Variants in GNAQ observed in about 807,000 individuals in gnomAD.
The protein encoded by GNAQ is G protein subunit alpha q.
In GNAQ, 8 loss-of-function variants were observed where a neutral mutation model predicts 43.9. The ratio of observed to expected loss-of-function variants is 0.18; its 90% confidence interval spans 0.11 to 0.33. The LOEUF (loss-of-function observed/expected upper bound fraction) is 0.33, where lower values mean the gene tolerates loss of function less well. Among genes scored for constraint, GNAQ ranks in the 10% least tolerant of loss-of-function variants. GNAQ has a pLI of 1.00. For synonymous variants in GNAQ, 155 were observed against 170.7 expected (o/e 0.91, Z 0.71); for missense variants, 158 against 450.8 (o/e 0.35, Z 5.88).
At chr9:77,741,407 C>T (rs1186955922) in intron 5 of GNAQ, among the ~76,000 whole-genome samples, 1 of 152,140 alleles carries the variant, frequency 6.6e-6, no homozygotes, top group East Asian at 1.9e-4. Context: ...GTAAGGTCTC[C>T]CCCGATAAAT....
chr9:78,031,304 G>T lies in GNAQ; in HGVS notation c.-69C>A, dbSNP rs553635419. ...TCACAGCGCGCACACACACCCTCCC[G>T]CCCTCGCTCCCCCGAGGCAGCGGTG... On this transcript the variant is annotated 5_prime_UTR_variant, in exon 1 of 7. Transcript: ENST00000286548. 1.4e-5 allele frequency: 17 copies of T among 1,239,922 alleles called. No homozygotes were observed. In the South Asian group the frequency reaches 3.6e-4, roughly 26 times the overall value. 76.8% of individuals were successfully genotyped at this position (1,239,922 alleles called of 1,614,324 possible). A position where few individuals can be genotyped will look rare whatever the true frequency, so the allele number is the denominator to read the frequency against.
At chr9:77,851,323 A>G (rs1288393008) in intron 2 of GNAQ, among the ~76,000 whole-genome samples, 1 of 152,142 alleles carries the variant, frequency 6.6e-6, no homozygotes. Flanking sequence ...CAGGATGCCT[A>G]TTGTGTAGGA....
chr9:77,993,453 C>G (rs986958256), intron 1 of GNAQ, among the ~76,000 whole-genome samples: 2 of 152,120 alleles, frequency 1.3e-5, no homozygotes, highest in Admixed American at 6.5e-5. Context: ...AATCCCAACA[C>G]TTTGGGAGGC....
intron 5 of GNAQ, among the ~76,000 whole-genome samples, chr9:77,734,914 T>C (rs77136551): frequency 6.6e-6 from 1 of 152,206 alleles, no homozygotes; most frequent in Admixed American, 6.5e-5. Flanking sequence ...CTTTATGATA[T>C]TTTTAACACA....
intron 2 of GNAQ, among the ~76,000 whole-genome samples, chr9:77,919,480 T>A (rs562385719): frequency 3.3e-5 from 5 of 152,028 alleles, no homozygotes; most frequent in Non-Finnish European, 7.4e-5. Flanking sequence ...TGGGAAGCTA[T>A]CAGAGAACTC....
chr9:77,723,200 TGACA>T (rs1362112073), intron 6 of GNAQ, among the ~76,000 whole-genome samples: 2 of 152,320 alleles, frequency 1.3e-5, no homozygotes, highest in South Asian at 2.1e-4. Flanking sequence ...AAAACCACAG[TGACA>T]GACCTCTCCA....
At chr9:77,957,017 G>C (rs935560083) in intron 1 of GNAQ, among the ~76,000 whole-genome samples, 3 of 152,178 alleles carry the variant, frequency 2.0e-5, no homozygotes, top group Non-Finnish European at 4.4e-5. Context: ...CCTCGTTTAA[G>C]AGTACAGCCC....
chr9:77,839,447 T>C (rs1159042072), intron 2 of GNAQ, among the ~76,000 whole-genome samples: 1 of 152,228 alleles, frequency 6.6e-6, no homozygotes, highest in African/African-American at 2.4e-5. Context: ...CTAAGTATAC[T>C]GGGGAGAGAA....
At chr9:77,727,321 T>TA (rs1474720685) in intron 6 of GNAQ, among the ~76,000 whole-genome samples, 5 of 152,100 alleles carry the variant, frequency 3.3e-5, no homozygotes, top group African/African-American at 1.2e-4. Context: ...CCTGGCCACA[T>TA]AGACTCTTAT....
intron 5 of GNAQ, among the ~76,000 whole-genome samples, chr9:77,767,226 C>T (rs1168815586): frequency 6.6e-6 from 1 of 152,100 alleles, no homozygotes; most frequent in Non-Finnish European, 1.5e-5. Flanking sequence ...ACACTACTGA[C>T]ATTTGGGCTG....
chr9:77,916,974 A>G (rs571110958), intron 2 of GNAQ, among the ~76,000 whole-genome samples: 13 of 152,230 alleles, frequency 8.5e-5, no homozygotes, highest in Non-Finnish European at 1.3e-4. Flanking sequence ...TTATAAGCCA[A>G]CTATCAAAGG....
At chr9:77,922,971 C>T (rs1003336616) in intron 1 of GNAQ, among the ~76,000 whole-genome samples, 2 of 152,020 alleles carry the variant, frequency 1.3e-5, no homozygotes, top group African/African-American at 4.8e-5. Flanking sequence ...ACCTCAGCCT[C>T]CCCATAGCTG....
intron 2 of GNAQ, among the ~76,000 whole-genome samples, chr9:77,829,334 A>G (rs184056856): frequency 6.6e-6 from 1 of 152,320 alleles, no homozygotes; most frequent in African/African-American, 2.4e-5. Flanking sequence ...TCACATCCTT[A>G]TAATTCAACA....
chr9:77,831,632 G>A lies in GNAQ; in HGVS notation c.322-15862C>T, dbSNP rs185514459. 3.3e-5 allele frequency among the ~76,000 whole-genome samples: 5 copies of A among 152,284 alleles called. No individual in the cohort carries two copies. In the East Asian group the frequency reaches 7.7e-4, roughly 23 times the overall value. ...CAGAATTATCTGTTTCATACTCTGT[G>A]TATTAATATTTGGTTTTGTTGCTAG... On this transcript the variant is annotated intron_variant, in intron 2 of 6. Transcript: ENST00000286548.
intron 2 of GNAQ, among the ~76,000 whole-genome samples, chr9:77,821,654 T>C (rs1303086729): frequency 1.3e-5 from 2 of 151,920 alleles, no homozygotes; most frequent in Non-Finnish European, 1.5e-5. Flanking sequence ...TGGGGTACAA[T>C]TTAAAATTTT....
At chr9:77,927,943 C>CACTG (rs150300626) in intron 1 of GNAQ, among the ~76,000 whole-genome samples, 1,763 of 152,236 alleles carry the variant, frequency 0.012, 39 homozygotes, top group African/African-American at 0.041. Context: ...ACTTCAGGTC[C>CACTG]ACTGGTTTAA....
chr9:77,783,589 G>C, intron 5 of GNAQ, among the ~76,000 whole-genome samples: 1 of 152,064 alleles, frequency 6.6e-6, no homozygotes, highest in Non-Finnish European at 1.5e-5. Flanking sequence ...TCCCACTGCT[G>C]CTCTGACCTT....
At chr9:77,849,437 G>A (rs1202243856) in intron 2 of GNAQ, among the ~76,000 whole-genome samples, 5 of 152,168 alleles carry the variant, frequency 3.3e-5, no homozygotes, top group African/African-American at 1.2e-4. Context: ...GTGGAGCCAT[G>A]TGGGGTCTAC....
At chr9:77,938,296 A>C (rs762629979) in intron 1 of GNAQ, among the ~76,000 whole-genome samples, 26 of 152,194 alleles carry the variant, frequency 1.7e-4, no homozygotes, top group Non-Finnish European at 3.2e-4. Flanking sequence ...ATATATATTT[A>C]TATGTGGGCT....
Sources: allele counts gnomAD v4.1 joint callset (sites outside exome capture counted in the v4.1 genomes callset), GRCh38; gene constraint gnomAD v4.1.1; transcripts MANE v1.5; gene names NCBI Gene and HGNC (gene_info 2026-07-23, HGNC 2026-07-21).